FSTL5: variants seen among roughly 807,000 people sequenced by gnomAD.
The protein encoded by FSTL5 is follistatin-related protein 5.
Under a neutral mutation model 89.1 loss-of-function variants are expected in FSTL5, and 62 were observed. That is an observed-to-expected ratio of 0.70 (90% CI 0.57 to 0.86). The LOEUF is 0.86. Ranked by LOEUF, FSTL5 falls within the 40% of genes least tolerant of loss-of-function variation. The probability of loss-of-function intolerance (pLI) is 0.00; values close to 1 mark genes in which losing one functional copy is unlikely to be tolerated. For missense variants in FSTL5, 1,057 were observed against 1,001.6 expected (o/e 1.06, Z -0.75); for synonymous variants, 383 against 346.2 (o/e 1.11, Z -1.18).
At chr4:161,860,188 T>C (rs1039028737) in intron 4 of FSTL5, among the ~76,000 whole-genome samples, 4 of 151,982 alleles carry the variant, frequency 2.6e-5, no homozygotes, top group Admixed American at 1.3e-4. Flanking sequence ...CTCGGGAGGC[T>C]GAGGCAGGAG....
At chr4:162,034,214 G>A (rs1737646306) in intron 2 of FSTL5, among the ~76,000 whole-genome samples, 1 of 151,996 alleles carries the variant, frequency 6.6e-6, no homozygotes, top group Admixed American at 6.6e-5. Context: ...AATGGTTAAT[G>A]AATAATAAAT....
At chr4:161,429,447 C>T (rs1007411659) in intron 15 of FSTL5, among the ~76,000 whole-genome samples, 4 of 152,208 alleles carry the variant, frequency 2.6e-5, no homozygotes, top group African/African-American at 9.7e-5. Flanking sequence ...TAATCTAGCA[C>T]AGTCCCAGTG....
intron 6 of FSTL5, among the ~76,000 whole-genome samples, chr4:161,752,592 CT>C (rs983557409): frequency 3.3e-5 from 5 of 152,086 alleles, no homozygotes; most frequent in African/African-American, 9.6e-5. Context: ...GAAGACTTCA[CT>C]TTTTTTTCCC....
intron 7 of FSTL5, among the ~76,000 whole-genome samples, chr4:161,625,123 T>C (rs767908501): frequency 1.3e-5 from 2 of 152,142 alleles, no homozygotes; most frequent in Non-Finnish European, 2.9e-5. Flanking sequence ...ACTCAAAAAG[T>C]TCCTTTTAAT....
At chr4:161,589,961 T>C (rs1243313221) in intron 7 of FSTL5, among the ~76,000 whole-genome samples, 7 of 151,940 alleles carry the variant, frequency 4.6e-5, no homozygotes, top group African/African-American at 1.5e-4. Flanking sequence ...AAAACAGAGA[T>C]AGGAAACCTC....
chr4:161,802,605 A>ATGCTCTTC, intron 4 of FSTL5, among the ~76,000 whole-genome samples: 1 of 151,732 alleles, frequency 6.6e-6, no homozygotes, highest in Non-Finnish European at 1.5e-5. Flanking sequence ...AATACCTAGG[A>ATGCTCTTC]TGCTCTTCTG....
chr4:161,938,884 A>G (rs1303264969), intron 3 of FSTL5, among the ~76,000 whole-genome samples: 1 of 151,840 alleles, frequency 6.6e-6, no homozygotes, highest in Non-Finnish European at 1.5e-5. Context: ...ATTTTTTTTA[A>G]TTGGTGACAT....
intron 4 of FSTL5, among the ~76,000 whole-genome samples, chr4:161,789,593 C>G (rs1373484497): frequency 6.6e-6 from 1 of 152,020 alleles, no homozygotes; most frequent in African/African-American, 2.4e-5. Context: ...TGGCTTTTTG[C>G]CTTCTTTGAG....
chr4:162,134,337 G>A lies in FSTL5; in HGVS notation c.-16-22925C>T, dbSNP rs138651370. 1.2e-3 allele frequency among the ~76,000 whole-genome samples: 189 copies of A among 152,224 alleles called. 3 individuals are homozygous for A. The highest frequency in any genetic ancestry group is 1.9e-3 in the Non-Finnish European group (129 of 68,016). ...TGTACTGAGTAACTCAAAGTAATCA[G>A]TTTTAAAATATGTGATTTCACTGCC... is the stretch of plus-strand genomic sequence containing the variant. On this transcript the variant is annotated intron_variant, in intron 1 of 15. Transcript: ENST00000306100.
chr4:161,902,663 C>T (rs1280886691), intron 4 of FSTL5, among the ~76,000 whole-genome samples: 3 of 151,920 alleles, frequency 2.0e-5, no homozygotes, highest in South Asian at 2.1e-4. Context: ...CTGGCTAACA[C>T]GGCAAAACCC....
intron 3 of FSTL5, among the ~76,000 whole-genome samples, chr4:161,983,533 T>C (rs1047734024): frequency 1.8e-4 from 27 of 152,182 alleles, no homozygotes; most frequent in Non-Finnish European, 8.8e-5. Context: ...AGAGGAATAA[T>C]TTTTTAAAGC....
At chr4:162,073,961 C>T (rs1729731765) in intron 2 of FSTL5, among the ~76,000 whole-genome samples, 1 of 151,660 alleles carries the variant, frequency 6.6e-6, no homozygotes, top group East Asian at 1.9e-4. Flanking sequence ...CATGTAAAAA[C>T]TGAAATTTTT....
At chr4:162,060,082 T>C (rs1456488767) in intron 2 of FSTL5, among the ~76,000 whole-genome samples, 5 of 152,126 alleles carry the variant, frequency 3.3e-5, no homozygotes, top group African/African-American at 1.2e-4. Flanking sequence ...AAATAAGGAA[T>C]CAAAAACACA....
chr4:162,052,338 C>T (rs968905103), intron 2 of FSTL5, among the ~76,000 whole-genome samples: 1 of 151,390 alleles, frequency 6.6e-6, no homozygotes, highest in African/African-American at 2.4e-5. Flanking sequence ...CTTTGATGGC[C>T]GCACCCAAAT....
intron 3 of FSTL5, among the ~76,000 whole-genome samples, chr4:161,945,682 G>T (rs1734715221): frequency 6.6e-6 from 1 of 152,168 alleles, no homozygotes; most frequent in African/African-American, 2.4e-5. Context: ...AACCTGGAAG[G>T]TGGAGGTTGC....
chr4:161,872,128 G>GTTTTTTTGTTTTTTTTT (rs1732282226), intron 4 of FSTL5, among the ~76,000 whole-genome samples: 9 of 64,138 alleles, frequency 1.4e-4, no homozygotes, highest in Non-Finnish European at 2.4e-4. Flanking sequence ...TTTGTAGTTT[G>GTTTTTTTGTTTTTTTTT]TTTTTTTTTT....
intron 6 of FSTL5, among the ~76,000 whole-genome samples, chr4:161,688,187 A>T (rs1579022233): frequency 6.6e-6 from 1 of 152,116 alleles, no homozygotes; most frequent in Non-Finnish European, 1.5e-5. Flanking sequence ...TGCTCAAGTG[A>T]TCCTGCCACC....
At chr4:161,806,090 A>G (rs1307475271) in intron 4 of FSTL5, among the ~76,000 whole-genome samples, 1 of 152,160 alleles carries the variant, frequency 6.6e-6, no homozygotes, top group Non-Finnish European at 1.5e-5. Flanking sequence ...GTCTTGGAAC[A>G]TATGCCCCAT....
intron 15 of FSTL5, among the ~76,000 whole-genome samples, chr4:161,430,033 CAA>C (rs1301350948): frequency 1.3e-5 from 2 of 151,882 alleles, no homozygotes; most frequent in African/African-American, 2.4e-5. Context: ...GTAAATTTAA[CAA>C]AGAGATTGAA....
Sources: allele counts gnomAD v4.1 joint callset (sites outside exome capture counted in the v4.1 genomes callset), GRCh38; gene constraint gnomAD v4.1.1; transcripts MANE v1.5; gene names NCBI Gene and HGNC (gene_info 2026-07-23, HGNC 2026-07-21).